The following CREB5 variants were observed in gnomAD, a reference collection of about 807,000 sequenced individuals.
CREB5 encodes the protein cyclic AMP-responsive element-binding protein 5.
Under a neutral mutation model 57.1 loss-of-function variants are expected in CREB5, and 19 were observed. That is an observed-to-expected ratio of 0.33 (90% CI 0.23 to 0.49). The LOEUF is 0.49. CREB5 is among the 20% of genes least tolerant of loss of function. The probability of loss-of-function intolerance (pLI) is 0.99; values close to 1 mark genes in which losing one functional copy is unlikely to be tolerated. For missense variants in CREB5, 579 were observed against 671.6 expected, an observed-to-expected ratio of 0.86 and a Z score of 1.52; for synonymous variants, 238 against 238.3, an observed-to-expected ratio of 1.00 and a Z score of 0.01.
chr7:28,341,023 A>G (rs1785925360), intron 1 of CREB5, among the ~76,000 whole-genome samples: 1 of 152,128 alleles, frequency 6.6e-6, no homozygotes, highest in African/African-American at 2.4e-5. Context: ...GGCATTGGCA[A>G]TTGAAGACTG....
At chr7:28,384,474 C>T (rs552175060) in intron 1 of CREB5, among the ~76,000 whole-genome samples, 2 of 152,104 alleles carry the variant, frequency 1.3e-5, no homozygotes, top group East Asian at 1.9e-4. Flanking sequence ...AATGAGGTTC[C>T]CATCCTTGCC....
intron 1 of CREB5, among the ~76,000 whole-genome samples, chr7:28,360,794 G>A (rs1786459655): frequency 6.6e-6 from 1 of 152,210 alleles, no homozygotes; most frequent in Non-Finnish European, 1.5e-5. Context: ...CACAAGCATA[G>A]TTAGCAGTTT....
chr7:28,521,916 T>C (rs1793222772), intron 4 of CREB5, among the ~76,000 whole-genome samples: 2 of 152,222 alleles, frequency 1.3e-5, no homozygotes, highest in Non-Finnish European at 2.9e-5. Context: ...ATGAAAAGCC[T>C]GTTTTATACA....
chr7:28,506,129 T>C (rs1792470810), intron 3 of CREB5, among the ~76,000 whole-genome samples: 1 of 152,206 alleles, frequency 6.6e-6, no homozygotes. Flanking sequence ...GAAAGTTGCT[T>C]GCCCAGAGGG....
intron 6 of CREB5, 55 bp downstream of exon 6, chr7:28,718,934 C>G: frequency 6.2e-7 from 1 of 1,609,980 alleles, no homozygotes; most frequent in African/African-American, 1.3e-5. Context: ...AGGTTTGCCA[C>G]TCTTGAAAGG....
At position 28,700,988 on chromosome 7, in the gene CREB5, C is replaced by T. The variant is rs373411337; in HGVS notation, c.465-17765C>T. On this transcript the variant is annotated intron_variant, in intron 5 of 10. Coordinates refer to ENST00000357727, the MANE Select transcript of CREB5 (RefSeq NM_182898.4). ...AAAAAAAAAAAAAACAACCCACCAA[C>T]CCTGTGAGTAAAGTAGACAGTCTAT... Among the ~76,000 whole-genome samples the T allele has an allele frequency of 1.4e-4, 21 of 150,788 alleles. No homozygotes were observed. The East Asian group carries it at 3.7e-3, about 27-fold the overall frequency.
chr7:28,672,997 C>T (rs552839159), intron 5 of CREB5, among the ~76,000 whole-genome samples: 7 of 152,238 alleles, frequency 4.6e-5, no homozygotes, highest in South Asian at 2.1e-4. Flanking sequence ...AGAAACCACC[C>T]GCCCCATACC....
At chr7:28,340,844 G>A (rs2127988781) in intron 1 of CREB5, among the ~76,000 whole-genome samples, 1 of 152,284 alleles carries the variant, frequency 6.6e-6, no homozygotes, top group Non-Finnish European at 1.5e-5. Flanking sequence ...TCTGGCTAGG[G>A]TTTGTCTAAA....
intron 1 of CREB5, among the ~76,000 whole-genome samples, chr7:28,378,637 A>C (rs147888457): frequency 2.1e-4 from 32 of 152,294 alleles, no homozygotes; most frequent in African/African-American, 7.2e-4. Context: ...TCACACCTGC[A>C]ATTTTGATAA....
intron 3 of CREB5, 24 bp downstream of exon 3, chr7:28,495,023 G>T (rs1791970635): frequency 6.5e-7 from 1 of 1,539,472 alleles, no homozygotes; most frequent in African/African-American, 1.4e-5. Flanking sequence ...AGGAAAAGAA[G>T]CTTTGGGTGA....
chr7:28,356,063 G>A (rs188325042), intron 1 of CREB5, among the ~76,000 whole-genome samples: 84 of 152,316 alleles, frequency 5.5e-4, no homozygotes, highest in Admixed American at 8.5e-4. Context: ...TCTCTGTTCG[G>A]AAGAAGTGAA....
chr7:28,701,531 G>A (rs1801860686), intron 5 of CREB5, among the ~76,000 whole-genome samples: 1 of 152,116 alleles, frequency 6.6e-6, no homozygotes, highest in Non-Finnish European at 1.5e-5. Context: ...CTTATAAAAG[G>A]TTGATTCCAA....
intron 7 of CREB5, among the ~76,000 whole-genome samples, chr7:28,792,444 T>A (rs1357759824): frequency 6.6e-6 from 1 of 152,200 alleles, no homozygotes; most frequent in African/African-American, 2.4e-5. Flanking sequence ...TTTAACAATG[T>A]AGTTGAGAAC....
At chr7:28,563,307 C>T (rs1213032442) in intron 4 of CREB5, among the ~76,000 whole-genome samples, 1 of 152,128 alleles carries the variant, frequency 6.6e-6, no homozygotes, top group East Asian at 1.9e-4. Context: ...CGTCATCTCA[C>T]ATGATTCTGA....
At chr7:28,560,879 C>CATGCGT (rs1795131222) in intron 4 of CREB5, among the ~76,000 whole-genome samples, 1 of 22,062 alleles carries the variant, frequency 4.5e-5, no homozygotes. Flanking sequence ...CGTGCGCGTG[C>CATGCGT]GTGCGTGCGT....
chr7:28,601,401 G>GTTAA (rs1207674963), intron 5 of CREB5, among the ~76,000 whole-genome samples: 1 of 152,158 alleles, frequency 6.6e-6, no homozygotes, highest in East Asian at 1.9e-4. Context: ...GTCGTGCAGT[G>GTTAA]TTAAGGGCAT....
intron 7 of CREB5, among the ~76,000 whole-genome samples, chr7:28,796,859 G>A (rs916155260): frequency 7.9e-5 from 12 of 152,174 alleles, no homozygotes; most frequent in Non-Finnish European, 1.8e-4. Flanking sequence ...CCTTATGATG[G>A]AGCTAAGACT....
intron 1 of CREB5, among the ~76,000 whole-genome samples, chr7:28,309,733 G>T (rs1785243619): frequency 6.6e-6 from 1 of 152,098 alleles, no homozygotes; most frequent in Non-Finnish European, 1.5e-5. Flanking sequence ...ATGATGTTTG[G>T]ATTTTGGTCC....
At chr7:28,428,901 A>G (rs1292991540) in intron 1 of CREB5, among the ~76,000 whole-genome samples, 1 of 152,160 alleles carries the variant, frequency 6.6e-6, no homozygotes, top group Non-Finnish European at 1.5e-5. Flanking sequence ...GCCTTGGCAT[A>G]TGCTGCCCCT....
Sources: allele counts gnomAD v4.1 joint callset (sites outside exome capture counted in the v4.1 genomes callset), GRCh38; gene constraint gnomAD v4.1.1; transcripts MANE v1.5; gene names NCBI Gene and HGNC (gene_info 2026-07-23, HGNC 2026-07-21).